The following EPHA6 variants were observed in gnomAD, a reference collection of about 807,000 sequenced individuals.
EPHA6 encodes ephrin type-A receptor 6.
A neutral mutation model predicts 112.0 loss-of-function variants in EPHA6; 50 were observed. That is an observed-to-expected ratio of 0.45 (90% CI 0.36 to 0.56). The LOEUF is 0.56. Among genes scored for constraint, EPHA6 ranks in the 20% least tolerant of loss-of-function variants. The pLI is 0.00. For missense variants in EPHA6, 1,280 were observed against 1,417.4 expected (o/e 0.90, Z 1.56); for synonymous variants, 529 against 490.7 (o/e 1.08, Z -1.03).
intron 14 of EPHA6, among the ~76,000 whole-genome samples, chr3:97,646,798 AT>A (rs2094068132): frequency 6.6e-6 from 1 of 152,178 alleles, no homozygotes; most frequent in South Asian, 2.1e-4. Flanking sequence ...TTTACTTCTT[AT>A]AGATAATTAG....
chr3:97,671,419 G>A (rs1393265025), intron 14 of EPHA6, among the ~76,000 whole-genome samples: 1 of 152,132 alleles, frequency 6.6e-6, no homozygotes, highest in Non-Finnish European at 1.5e-5. Flanking sequence ...TAGTAATTGA[G>A]ATAAATTCTT....
intron 3 of EPHA6, among the ~76,000 whole-genome samples, chr3:97,000,348 CG>C (rs1241835649): frequency 6.7e-6 from 1 of 150,050 alleles, no homozygotes; most frequent in Non-Finnish European, 1.5e-5. Context: ...TATACACACA[CG>C]TGTGCTTTTT....
rs1352083975 is a variant in EPHA6, at chr3:97,747,515, A to G, written c.3221A>G (p.Asn1074Ser). 6.2e-7 allele frequency: 1 copy of G among 1,610,996 alleles called. No homozygotes were observed. The highest frequency in any genetic ancestry group is 2.2e-5 in the East Asian group (1 of 44,718). ...LDSIKMGQYK[N>S]NFVAAGFTTF... is the part of the protein sequence containing the mutation. The stretch of plus-strand genomic sequence containing the variant: ...TCTATAAAGATGGGGCAATACAAGA[A>G]TAACTTCGTGGCAGCAGGGTTTACA... The change falls in exon 17 of 18, where the codon AAT (asparagine) becomes AGT (serine). Residue 1074 changes from asparagine to serine, a missense_variant. Transcript: ENST00000389672.
intron 5 of EPHA6, among the ~76,000 whole-genome samples, chr3:97,317,624 A>G (rs922482438): frequency 3.3e-5 from 5 of 151,858 alleles, no homozygotes; most frequent in Non-Finnish European, 7.4e-5. Context: ...ATCATTATGC[A>G]TGGAGTTTTT....
Position 97,759,144 on chromosome 3 carries a change from G to A in EPHA6, c.*10443G>A, listed in dbSNP as rs367770410. 2.0e-5 allele frequency among the ~76,000 whole-genome samples: 3 copies of A among 151,950 alleles called. No homozygotes were observed. The East Asian group carries it at 5.8e-4, about 29-fold the overall frequency. ...GTAAGCTAGAGAAAAAGGAAATGCA[G>A]TTGCTCATCTGGATTAAATGCTTTT... is the stretch of plus-strand genomic sequence containing the variant. On this transcript the variant is annotated 3_prime_UTR_variant, in exon 18 of 18. Coordinates refer to ENST00000389672, the MANE Select transcript of EPHA6 (RefSeq NM_001080448.3).
At chr3:96,939,943 T>G (rs1254406707) in intron 2 of EPHA6, among the ~76,000 whole-genome samples, 1 of 152,138 alleles carries the variant, frequency 6.6e-6, no homozygotes, top group Non-Finnish European at 1.5e-5. Context: ...TGAGTTCTAG[T>G]TTGATTGCAC....
intron 10 of EPHA6, among the ~76,000 whole-genome samples, chr3:97,517,774 T>C (rs1442637049): frequency 2.0e-5 from 3 of 152,092 alleles, no homozygotes; most frequent in African/African-American, 4.8e-5. Context: ...ACACTGAATC[T>C]GGTAACCACC....
chr3:97,547,840 C>G (rs1209675433), intron 11 of EPHA6, among the ~76,000 whole-genome samples: 1 of 152,226 alleles, frequency 6.6e-6, no homozygotes. Context: ...ATGAGCGAGA[C>G]TCTGTGGGCG....
At chr3:97,557,594 A>G (rs2093129902) in intron 11 of EPHA6, among the ~76,000 whole-genome samples, 1 of 151,968 alleles carries the variant, frequency 6.6e-6, no homozygotes, top group African/African-American at 2.4e-5. Context: ...CTTGCCATGT[A>G]TCCCTGAGAA....
chr3:97,626,769 T>C (rs2093860564), intron 13 of EPHA6, among the ~76,000 whole-genome samples: 1 of 151,772 alleles, frequency 6.6e-6, no homozygotes, highest in African/African-American at 2.4e-5. Context: ...AAATTTGCTA[T>C]GTTGGGAGTA....
chr3:97,466,968 G>T (rs1283207747), intron 7 of EPHA6, among the ~76,000 whole-genome samples: 1 of 151,832 alleles, frequency 6.6e-6, no homozygotes. Flanking sequence ...TTTAGTTTAA[G>T]AATTACCTTC....
chr3:97,411,039 A>C (rs1278870859), intron 6 of EPHA6, among the ~76,000 whole-genome samples: 1 of 151,770 alleles, frequency 6.6e-6, no homozygotes, highest in Non-Finnish European at 1.5e-5. Flanking sequence ...TTTACAGTGG[A>C]ATCAGCAAGT....
rs566956997 is a variant in EPHA6 at position 97,057,746 on chromosome 3, T to C, written c.1114+69753T>C. The stretch of plus-strand genomic sequence containing the variant: ...GGATATTTTGACCAGGCTTTATAGC[T>C]GAGCTAGATATTAATTCTCCTTCTA... On this transcript the variant is annotated intron_variant, in intron 3 of 17. Transcript: ENST00000389672. Among the ~76,000 whole-genome samples, 14 of 152,368 alleles carry C rather than the reference T, an allele frequency of 9.2e-5. No individual in the cohort carries two copies. The East Asian group carries it at 2.5e-3, about 27-fold the overall frequency.
intron 14 of EPHA6, among the ~76,000 whole-genome samples, chr3:97,656,841 A>G (rs1387815931): frequency 1.3e-5 from 2 of 151,962 alleles, no homozygotes; most frequent in Non-Finnish European, 2.9e-5. Context: ...TTCCCTGTTC[A>G]CATTAACATA....
At chr3:97,107,581 CTAAGT>C (rs977965590) in intron 3 of EPHA6, among the ~76,000 whole-genome samples, 12 of 151,758 alleles carry the variant, frequency 7.9e-5, no homozygotes, top group Admixed American at 2.6e-4. Context: ...TAACTTCTAA[CTAAGT>C]TATTTCTAAC....
chr3:97,063,674 C>T (rs886452237), intron 3 of EPHA6, among the ~76,000 whole-genome samples: 18 of 151,828 alleles, frequency 1.2e-4, no homozygotes, highest in African/African-American at 4.1e-4. Flanking sequence ...CAAACCTTCA[C>T]GTTCTGTACA....
chr3:97,310,025 A>G (rs2108749560), intron 5 of EPHA6, among the ~76,000 whole-genome samples: 1 of 151,788 alleles, frequency 6.6e-6, no homozygotes, highest in East Asian at 1.9e-4. Flanking sequence ...TATTTATCCT[A>G]AAGATTCATT....
At chr3:97,588,473 TAC>T (rs1349261955) in intron 11 of EPHA6, among the ~76,000 whole-genome samples, 13 of 152,248 alleles carry the variant, frequency 8.5e-5, no homozygotes, top group South Asian at 4.1e-4. Context: ...TCATTTATAT[TAC>T]AGAGATATTA....
intron 3 of EPHA6, among the ~76,000 whole-genome samples, chr3:97,197,640 G>A (rs2077475480): frequency 1.3e-5 from 2 of 151,852 alleles, no homozygotes; most frequent in South Asian, 4.2e-4. Flanking sequence ...CTGGGGTTGG[G>A]GGATGGGTGA....
Sources: allele counts gnomAD v4.1 joint callset (sites outside exome capture counted in the v4.1 genomes callset), GRCh38; gene constraint gnomAD v4.1.1; transcripts MANE v1.5; gene names NCBI Gene and HGNC (gene_info 2026-07-23, HGNC 2026-07-21).